GPC5: variants seen among roughly 807,000 people sequenced by gnomAD.
The protein encoded by GPC5 is glypican-5.
GPC5 carries 47 observed loss-of-function variants against 53.9 expected under a neutral mutation model. The observed-to-expected ratio is 0.87, with a 90% CI of 0.69 to 1.11. GPC5 has a LOEUF of 1.11. GPC5 is among the 50% of genes most tolerant of loss of function. GPC5 has a pLI of 0.00. For missense variants in GPC5, 748 were observed against 713.1 expected, an observed-to-expected ratio of 1.05 and a Z score of -0.56; for synonymous variants, 286 against 263.3, an observed-to-expected ratio of 1.09 and a Z score of -0.84.
chr13:92,346,816 C>T (rs1375919551), intron 7 of GPC5, among the ~76,000 whole-genome samples: 1 of 151,976 alleles, frequency 6.6e-6, no homozygotes, highest in African/African-American at 2.4e-5. Context: ...ATTTGGAAGA[C>T]AACTCACAAA....
At chr13:92,145,775 A>G (rs567839164) in intron 7 of GPC5, among the ~76,000 whole-genome samples, 12 of 152,270 alleles carry the variant, frequency 7.9e-5, no homozygotes, top group Non-Finnish European at 1.6e-4. Context: ...TCTTGATTAT[A>G]CCAAAGGCAG....
intron 7 of GPC5, among the ~76,000 whole-genome samples, chr13:92,473,822 A>G (rs1314286439): frequency 6.6e-6 from 1 of 152,108 alleles, no homozygotes; most frequent in East Asian, 1.9e-4. Context: ...GGAAAAAATT[A>G]TTCATGTACT....
chr13:91,930,391 CTTGATA>C (rs1382854185), intron 6 of GPC5, among the ~76,000 whole-genome samples: 1 of 151,896 alleles, frequency 6.6e-6, no homozygotes, highest in African/African-American at 2.4e-5. Context: ...TATTATAGTG[CTTGATA>C]TTTCAGCTAT....
At chr13:91,931,345 G>T (rs1263214622) in intron 6 of GPC5, among the ~76,000 whole-genome samples, 3 of 152,044 alleles carry the variant, frequency 2.0e-5, no homozygotes, top group African/African-American at 7.2e-5. Flanking sequence ...TTCTATTGAA[G>T]ATAGTATGAT....
At chr13:91,502,329 G>A (rs1884684491) in intron 2 of GPC5, among the ~76,000 whole-genome samples, 1 of 152,136 alleles carries the variant, frequency 6.6e-6, no homozygotes, top group Non-Finnish European at 1.5e-5. Flanking sequence ...TCATGCCTAT[G>A]TCCTGAATGG....
chr13:91,972,941 T>A (rs1459148860), intron 6 of GPC5, among the ~76,000 whole-genome samples: 1 of 152,194 alleles, frequency 6.6e-6, no homozygotes, highest in African/African-American at 2.4e-5. Context: ...GACAATTATG[T>A]GTTTTGGAGT....
chr13:92,464,529 A>C (rs939351427), intron 7 of GPC5, among the ~76,000 whole-genome samples: 1 of 152,152 alleles, frequency 6.6e-6, no homozygotes, highest in African/African-American at 2.4e-5. Context: ...ATGAATGCAC[A>C]CTGACTGCAT....
At chr13:92,810,153 C>G (rs930776617) in intron 7 of GPC5, among the ~76,000 whole-genome samples, 2 of 151,810 alleles carry the variant, frequency 1.3e-5, no homozygotes, top group African/African-American at 4.8e-5. Context: ...TTGAAAAACC[C>G]CTATACTTGT....
intron 1 of GPC5, among the ~76,000 whole-genome samples, chr13:91,434,270 C>T (rs1393162174): frequency 6.6e-6 from 1 of 152,114 alleles, no homozygotes; most frequent in Non-Finnish European, 1.5e-5. Flanking sequence ...ACATGAAGTC[C>T]TTGCCCATGC....
At chr13:92,294,579 A>G (rs1173321181) in intron 7 of GPC5, among the ~76,000 whole-genome samples, 2 of 150,750 alleles carry the variant, frequency 1.3e-5, no homozygotes, top group African/African-American at 4.9e-5. Context: ...GCTGTTTTGG[A>G]TTTTCTCTCT....
rs560070987 is a variant in GPC5, at chr13:92,463,864, A to G, written c.1561+318875A>G. On this transcript the variant is annotated intron_variant, in intron 7 of 7. Coordinates refer to ENST00000377067, the MANE Select transcript of GPC5 (RefSeq NM_004466.6). The stretch of plus-strand genomic sequence containing the variant: ...CAGTTTTAAGATACAATTTTAGATT[A>G]TTTTGCAATGCAATTTATTGGAGTT... Among the ~76,000 whole-genome samples, 6 of 152,282 alleles carry G rather than the reference A, an allele frequency of 3.9e-5. No individual in the cohort carries two copies. In the East Asian group the frequency reaches 9.7e-4, roughly 25 times the overall value.
intron 5 of GPC5, among the ~76,000 whole-genome samples, chr13:91,789,338 G>A (rs1023453235): frequency 6.6e-6 from 1 of 152,144 alleles, no homozygotes; most frequent in Non-Finnish European, 1.5e-5. Context: ...AAATAGAACT[G>A]TGCATTTACT....
At chr13:91,611,683 A>T (rs1020566198) in intron 2 of GPC5, among the ~76,000 whole-genome samples, 8 of 152,276 alleles carry the variant, frequency 5.3e-5, no homozygotes, top group African/African-American at 1.9e-4. Flanking sequence ...GTTCCTTACC[A>T]GTTCTGCTAA....
intron 2 of GPC5, among the ~76,000 whole-genome samples, chr13:91,690,993 CG>C (rs2035745952): frequency 6.6e-6 from 1 of 152,172 alleles, no homozygotes; most frequent in South Asian, 2.1e-4. Flanking sequence ...ACCCACTTCG[CG>C]GTTCTTAGCC....
intron 7 of GPC5, among the ~76,000 whole-genome samples, chr13:92,751,303 TAAAAA>T (rs71123435): frequency 0.056 from 2,147 of 38,612 alleles, 43 homozygotes; most frequent in African/African-American, 0.094. Flanking sequence ...CAGAAACATT[TAAAAA>T]AAAAAAAAAA....
At chr13:92,401,138 T>A (rs1324517205) in intron 7 of GPC5, among the ~76,000 whole-genome samples, 1 of 151,994 alleles carries the variant, frequency 6.6e-6, no homozygotes, top group Admixed American at 6.6e-5. Context: ...CACTGGCTAC[T>A]ATTTTTTTTG....
chr13:91,766,437 A>G (rs920327263), intron 5 of GPC5, among the ~76,000 whole-genome samples: 1 of 152,212 alleles, frequency 6.6e-6, no homozygotes, highest in African/African-American at 2.4e-5. Flanking sequence ...CATAAAGCCA[A>G]TAAGGCTCAG....
intron 7 of GPC5, among the ~76,000 whole-genome samples, chr13:92,507,774 A>C (rs1006654392): frequency 1.3e-5 from 2 of 152,158 alleles, no homozygotes; most frequent in African/African-American, 4.8e-5. Flanking sequence ...GATTCATAGG[A>C]ATAAAATATA....
chr13:91,440,551 C>T (rs938013595), intron 1 of GPC5, among the ~76,000 whole-genome samples: 1 of 152,058 alleles, frequency 6.6e-6, no homozygotes, highest in South Asian at 2.1e-4. Flanking sequence ...TACTTTGAAG[C>T]CTTTCTCTGT....
Sources: allele counts gnomAD v4.1 joint callset (sites outside exome capture counted in the v4.1 genomes callset), GRCh38; gene constraint gnomAD v4.1.1; transcripts MANE v1.5; gene names NCBI Gene and HGNC (gene_info 2026-07-23, HGNC 2026-07-21).